Variants in PHACTR2 observed in about 807,000 individuals in gnomAD.
The protein encoded by PHACTR2 is phosphatase and actin regulator 2.
A neutral mutation model predicts 76.0 loss-of-function variants in PHACTR2; 30 were observed. That is an observed-to-expected ratio of 0.39 (90% CI 0.30 to 0.54). The LOEUF is 0.54. Among genes scored for constraint, PHACTR2 ranks in the 20% least tolerant of loss-of-function variants. The probability of loss-of-function intolerance (pLI) is 0.61; values close to 1 mark genes in which losing one functional copy is unlikely to be tolerated. For synonymous variants in PHACTR2, 292 were observed against 292.5 expected (o/e 1.00, Z 0.02); for missense variants, 696 against 781.1 (o/e 0.89, Z 1.30).
rs1775794046 is a variant in PHACTR2 at position 143,599,712 on chromosome 6, G to T, written c.217+62505G>T. Among the ~76,000 whole-genome samples the T allele has an allele frequency of 1.3e-5, 2 of 152,170 alleles. No homozygotes were observed. The highest frequency in any genetic ancestry group is 6.5e-5 in the Admixed American group (1 of 15,282). ...CTAGCCTATAAGAACAGCTCATTAA[G>T]ATCCAACCTATACCTTTCCCCCTTT... On this transcript the variant is annotated intron_variant, in intron 1 of 11. Coordinates refer to the PHACTR2 transcript ENST00000367584. The surrounding 1 kb of genome is among the most constrained non-coding windows in gnomAD (Gnocchi z 4.6).
At chr6:143,655,171 A>AG (rs1419583061) in intron 1 of PHACTR2, among the ~76,000 whole-genome samples, 1 of 151,658 alleles carries the variant, frequency 6.6e-6, no homozygotes, top group East Asian at 1.9e-4. Context: ...AAAAAAAAAA[A>AG]AAAGAAAAAG....
rs1052141904 is a variant in PHACTR2 at position 143,589,776 on chromosome 6, G to A, written c.217+52569G>A. On this transcript the variant is annotated intron_variant, in intron 1 of 11. Transcript: ENST00000367584. This position sits in a 1 kb window ranked among gnomAD's most constrained non-coding sequence, Gnocchi z 4.4. ...GCCAGGGCTTCAACATATAAATTTA[G>A]GGGAGGGGACACAATTCAGTCCATT... is the stretch of plus-strand genomic sequence containing the variant. Among the ~76,000 whole-genome samples, 1 of 152,148 alleles carries A rather than the reference G, an allele frequency of 6.6e-6. No homozygotes were observed. Among genetic ancestry groups the A allele is most frequent in the Non-Finnish European group, 1.5e-5 (1 of 68,044 alleles).
In PHACTR2 at chr6:143,757,007, C is replaced by T. The variant is rs1779316143; in HGVS notation, c.454+3095C>T. On this transcript the variant is annotated intron_variant, in intron 4 of 12. Coordinates refer to ENST00000440869, the MANE Select transcript of PHACTR2 (RefSeq NM_001100164.2). The surrounding 1 kb of genome is among the most constrained non-coding windows in gnomAD (Gnocchi z 4.2). ...GGTTGTAGTGAGCTGAGTTCAGGCA[C>T]CATTGCACTCCAGCCTGGGTGACAG... 6.6e-6 allele frequency among the ~76,000 whole-genome samples: 1 copy of T among 151,874 alleles called. No homozygotes were observed. The highest frequency in any genetic ancestry group is 1.5e-5 in the Non-Finnish European group (1 of 67,942).
chr6:143,619,737 TAGTA>T lies in PHACTR2; in HGVS notation c.13+11418_13+11421del, dbSNP rs1355938479. On this transcript the variant is annotated intron_variant, in intron 1 of 11. Coordinates refer to the PHACTR2 transcript ENST00000305766. This position sits in a 1 kb window ranked among gnomAD's most constrained non-coding sequence, Gnocchi z 4.5. ...CTTCACATCCTGGGTCTTATTTTCT[TAGTA>T]AGGGAAATTTGGCAACCCTCCATTT... is the stretch of plus-strand genomic sequence containing the variant. Among the ~76,000 whole-genome samples, 1 of 152,210 alleles carries T rather than the reference TAGTA, an allele frequency of 6.6e-6. No homozygotes were observed. The highest frequency in any genetic ancestry group is 1.5e-5 in the Non-Finnish European group (1 of 68,034).
chr6:143,766,506 A>T (rs1779567188), intron 6 of PHACTR2, among the ~76,000 whole-genome samples: 1 of 152,270 alleles, frequency 6.6e-6, no homozygotes, highest in South Asian at 2.1e-4. Flanking sequence ...AGATAAAGTC[A>T]GCCTACTTTA....
At position 143,742,685 on chromosome 6, in the gene PHACTR2, C is replaced by G. The variant is rs1562290231; in HGVS notation, c.215-6300C>G. On this transcript the variant is annotated intron_variant, in intron 2 of 12. Transcript: ENST00000440869. This position sits in a 1 kb window ranked among gnomAD's most constrained non-coding sequence, Gnocchi z 4.5. ...AGGAAAAATGTCAGGAAGGCCATTT[C>G]TAAAAGAAGTAGAAGAGGATGCTAG... is the stretch of plus-strand genomic sequence containing the variant. 6.6e-6 allele frequency among the ~76,000 whole-genome samples: 1 copy of G among 152,160 alleles called. No homozygotes were observed. Among genetic ancestry groups the G allele is most frequent in the Non-Finnish European group, 1.5e-5 (1 of 68,028 alleles).
chr6:143,551,331 A>C (rs1396810504), intron 1 of PHACTR2, among the ~76,000 whole-genome samples: 2 of 152,236 alleles, frequency 1.3e-5, no homozygotes, highest in Non-Finnish European at 2.9e-5. Context: ...TAAGGACAAC[A>C]ATAACTAATA....
chr6:143,636,374 C>G (rs1006587522), intron 1 of PHACTR2, among the ~76,000 whole-genome samples: 5 of 152,142 alleles, frequency 3.3e-5, no homozygotes, highest in African/African-American at 7.2e-5. Flanking sequence ...CAATGCGCTT[C>G]TACACATCAT....
At chr6:143,568,103 T>TA (rs1213170406) in intron 1 of PHACTR2, among the ~76,000 whole-genome samples, 5 of 151,672 alleles carry the variant, frequency 3.3e-5, no homozygotes, top group South Asian at 2.1e-4. Context: ...CTTGATTTTT[T>TA]TAAAAAAATC....
At position 143,541,100 on chromosome 6, in the gene PHACTR2, T is replaced by C. The variant is rs1470675766; in HGVS notation, c.217+3893T>C. Among the ~76,000 whole-genome samples the C allele has an allele frequency of 6.6e-6, 1 of 152,254 alleles. No homozygotes were observed. Among genetic ancestry groups the C allele is most frequent in the African/African-American group, 2.4e-5 (1 of 41,466 alleles). On this transcript the variant is annotated intron_variant, in intron 1 of 11. Coordinates refer to the PHACTR2 transcript ENST00000367584. This position sits in a 1 kb window ranked among gnomAD's most constrained non-coding sequence, Gnocchi z 5.3. ...GCCACTGCTCCCAGCCTTGGATTTT[T>C]AAAATCCAGTATTTCTTTGTAAATA...
rs1775124742 is a variant in PHACTR2 at position 143,553,663 on chromosome 6, G to A, written c.217+16456G>A. Among the ~76,000 whole-genome samples, 1 of 152,164 alleles carries A rather than the reference G, an allele frequency of 6.6e-6. No homozygotes were observed. Among genetic ancestry groups the A allele is most frequent in the East Asian group, 1.9e-4 (1 of 5,186 alleles). On this transcript the variant is annotated intron_variant, in intron 1 of 11. Coordinates refer to the PHACTR2 transcript ENST00000367584. The surrounding 1 kb of genome is among the most constrained non-coding windows in gnomAD (Gnocchi z 4.2). ...GAAACTGTATTCATGTTTTATTCGAGTCTCTATAGGCTGAGGTTGAGGCCT... is the reference window on the plus strand; with the variant it reads ...GAAACTGTATTCATGTTTTATTCGAATCTCTATAGGCTGAGGTTGAGGCCT...
chr6:143,808,419 AC>A (rs1776109105), intron 12 of PHACTR2, among the ~76,000 whole-genome samples: 1 of 152,114 alleles, frequency 6.6e-6, no homozygotes, highest in South Asian at 2.1e-4. Flanking sequence ...ATAAGCCACC[AC>A]ACCCAGCCCA....
chr6:143,640,981 C>T (rs1776553511), intron 1 of PHACTR2, among the ~76,000 whole-genome samples: 1 of 152,128 alleles, frequency 6.6e-6, no homozygotes, highest in South Asian at 2.1e-4. Context: ...GCTTCTGTAA[C>T]AGAATATCTG....
At position 143,782,384 on chromosome 6, in the gene PHACTR2, C is replaced by T. The variant is rs1424273992; in HGVS notation, c.1646-835C>T. ...TTCATAAGCATCGGTATCCAAGAAG[C>T]AAAATGTATGCTCACTGATCAAACA... On this transcript the variant is annotated intron_variant, in intron 9 of 12. Transcript: ENST00000440869. This position sits in a 1 kb window ranked among gnomAD's most constrained non-coding sequence, Gnocchi z 4.6. Among the ~76,000 whole-genome samples the T allele has an allele frequency of 6.6e-6, 1 of 152,154 alleles. No individual in the cohort carries two copies. Among genetic ancestry groups the T allele is most frequent in the African/African-American group, 2.4e-5 (1 of 41,436 alleles).
At chr6:143,773,964 G>A (rs1002503257) in intron 7 of PHACTR2, 95 bp from the exon 8 acceptor site, 1 of 994,592 alleles carries the variant, frequency 1.0e-6, no homozygotes, top group East Asian at 2.5e-5. Context: ...AAAGAATTTG[G>A]TCTGGGCTCT....
At position 143,672,435 on chromosome 6, in the gene PHACTR2, T is replaced by A. The variant is rs543973401; in HGVS notation, c.14-39581T>A. On this transcript the variant is annotated intron_variant, in intron 1 of 11. Transcript: ENST00000305766. This position sits in a 1 kb window ranked among gnomAD's most constrained non-coding sequence, Gnocchi z 5.8. ...ATGATTATACCACTGCACTCCAGCCTGGGCCACAGAGCAAGACGCTGTCTC... is the reference window on the plus strand; with the variant it reads ...ATGATTATACCACTGCACTCCAGCCAGGGCCACAGAGCAAGACGCTGTCTC... Among the ~76,000 whole-genome samples, 37 of 152,230 alleles carry A rather than the reference T, an allele frequency of 2.4e-4. No homozygotes were observed. Among genetic ancestry groups the A allele is most frequent in the Admixed American group, 4.6e-4 (7 of 15,290 alleles).
intron 1 of PHACTR2, among the ~76,000 whole-genome samples, chr6:143,703,743 A>C (rs1465934834): frequency 6.6e-6 from 1 of 152,150 alleles, no homozygotes; most frequent in Non-Finnish European, 1.5e-5. Context: ...AGCTGATAAA[A>C]AGCAATTTTC....
At chr6:143,681,322 G>T (rs753147345) in intron 1 of PHACTR2, among the ~76,000 whole-genome samples, 1 of 152,014 alleles carries the variant, frequency 6.6e-6, no homozygotes, top group African/African-American at 2.4e-5. Context: ...ATATCTCATG[G>T]TTTTGATTTC....
upstream of PHACTR2, among the ~76,000 whole-genome samples, chr6:143,604,332 CAG>C (rs1386481568): frequency 6.6e-6 from 1 of 152,142 alleles, no homozygotes; most frequent in Non-Finnish European, 1.5e-5. Flanking sequence ...TCCTGAGAAA[CAG>C]AGCCTGATCT....
Sources: allele counts gnomAD v4.1 joint callset (sites outside exome capture counted in the v4.1 genomes callset), GRCh38; gene constraint gnomAD v4.1.1; non-coding constraint Gnocchi (gnomAD v3.1); transcripts MANE v1.5; gene names NCBI Gene and HGNC (gene_info 2026-07-23, HGNC 2026-07-21).